The following CLTC variants were observed in gnomAD, a reference collection of about 807,000 sequenced individuals.
CLTC encodes the protein clathrin heavy chain.
Under a neutral mutation model 195.8 loss-of-function variants are expected in CLTC, and 16 were observed. The observed-to-expected ratio is 0.08, with a 90% CI of 0.06 to 0.12. The LOEUF is 0.12. Among genes scored for constraint, CLTC ranks in the 10% least tolerant of loss-of-function variants. The probability of loss-of-function intolerance (pLI) is 1.00; values close to 1 mark genes in which losing one functional copy is unlikely to be tolerated. For synonymous variants in CLTC, 667 were observed against 689.4 expected (o/e 0.97, Z 0.51); for missense variants, 796 against 2,027.0 (o/e 0.39, Z 11.66).
chr17:59,674,921 C>T, intron 16 of CLTC, 78 bp downstream of exon 16: 4 of 1,367,330 alleles, frequency 2.9e-6, no homozygotes, highest in Non-Finnish European at 4.1e-6. Context: ...GTCATTTGTT[C>T]CAAAGCTACT....
At chr17:59,662,893 A>G (rs1219134967) in intron 8 of CLTC, among the ~76,000 whole-genome samples, 11 of 152,248 alleles carry the variant, frequency 7.2e-5, no homozygotes, top group Admixed American at 7.2e-4. Context: ...TAGGCAACAC[A>G]GCGAGACCTT....
chr17:59,685,054 A>C lies in CLTC; in HGVS notation c.4435-2A>C. The C allele has an allele frequency of 6.5e-7, 1 of 1,534,354 alleles. No individual in the cohort carries two copies. Among genetic ancestry groups the C allele is most frequent in the South Asian group, 1.2e-5 (1 of 81,458 alleles). On this transcript the variant is annotated splice_acceptor_variant, in intron 28 of 31. Transcript: ENST00000269122. LOFTEE classifies it high-confidence loss of function. The surrounding 1 kb of genome is among the most constrained non-coding windows in gnomAD (Gnocchi z 5.0). The stretch of plus-strand genomic sequence containing the variant: ...GCATTTGGATGGCTTTTTTTTTTTA[A>C]GGCTCTGCGAACATCAATAGATGCT...
At chr17:59,643,139 G>GTA (rs2032089568) in intron 1 of CLTC, among the ~76,000 whole-genome samples, 32 of 149,876 alleles carry the variant, frequency 2.1e-4, no homozygotes, top group Admixed American at 1.8e-3. Context: ...TGGGGTGTGT[G>GTA]TGTGTGTGTG....
chr17:59,659,004 C>T lies in CLTC; in HGVS notation c.970-1387C>T, dbSNP rs545250282. The stretch of plus-strand genomic sequence containing the variant: ...GTTACCTATCTATCTATTTGGTTCA[C>T]TGAGTTCTCAAGTATTTTTCAATTC... On this transcript the variant is annotated intron_variant, in intron 6 of 31. Coordinates refer to ENST00000269122, the MANE Select transcript of CLTC (RefSeq NM_004859.4). Among the ~76,000 whole-genome samples the T allele has an allele frequency of 9.2e-5, 14 of 152,310 alleles. No individual in the cohort carries two copies. In the South Asian group the frequency reaches 2.9e-3, roughly 32 times the overall value.
At chr17:59,634,219 A>G (rs113963707) in intron 1 of CLTC, among the ~76,000 whole-genome samples, 39 of 152,200 alleles carry the variant, frequency 2.6e-4, no homozygotes, top group African/African-American at 9.4e-4. Flanking sequence ...TTGAACCCTC[A>G]AAGTAAGCCC....
At chr17:59,691,128 TAG>T (rs1193733279) in intron 31 of CLTC, among the ~76,000 whole-genome samples, 2 of 152,160 alleles carry the variant, frequency 1.3e-5, no homozygotes, top group African/African-American at 2.4e-5. Context: ...GAGAACTGGG[TAG>T]AGTTTCCATT....
In CLTC at chr17:59,666,780, T is replaced by C. The variant is rs766888597; in HGVS notation, c.1948-17T>C. ...ATTATTTCATTTATTCATTCATTCA[T>C]TTATTTTGTCTTGTAGTGGTTAGTC... On this transcript the variant is annotated splice_polypyrimidine_tract_variant and intron_variant, in intron 12 of 31. Coordinates refer to ENST00000269122, the MANE Select transcript of CLTC (RefSeq NM_004859.4). The surrounding 1 kb of genome is among the most constrained non-coding windows in gnomAD (Gnocchi z 4.9). 2 of 1,591,222 alleles carry C rather than the reference T, an allele frequency of 1.3e-6. No individual in the cohort carries two copies. The highest frequency in any genetic ancestry group is 2.7e-5 in the African/African-American group (2 of 73,968).
chr17:59,620,625 G>C (rs536089364), intron 1 of CLTC, among the ~76,000 whole-genome samples: 1 of 151,510 alleles, frequency 6.6e-6, no homozygotes, highest in Admixed American at 6.6e-5. Context: ...GGAGTTGTGG[G>C]GCGGGTGGGT....
chr17:59,667,419 A>G (rs1176722244), intron 13 of CLTC, among the ~76,000 whole-genome samples: 1 of 152,174 alleles, frequency 6.6e-6, no homozygotes, highest in African/African-American at 2.4e-5. Flanking sequence ...GAATATTCCA[A>G]AGTTCAAAAT....
intron 8 of CLTC, among the ~76,000 whole-genome samples, chr17:59,663,240 G>A (rs549053107): frequency 6.6e-6 from 1 of 152,134 alleles, no homozygotes; most frequent in Non-Finnish European, 1.5e-5. Context: ...AATGAGTAAG[G>A]CAGACTGAAT....
chr17:59,693,141 C>T (rs1356343388), intron 31 of CLTC, among the ~76,000 whole-genome samples: 1 of 152,102 alleles, frequency 6.6e-6, no homozygotes, highest in Admixed American at 6.6e-5. Flanking sequence ...GCAAGATGGG[C>T]TGATCACTTG....
At position 59,685,113 on chromosome 17, in the gene CLTC, C is replaced by A. The variant is rs749736750; in HGVS notation, c.4492C>A (p.Arg1498Ser). 1.2e-6 allele frequency: 2 copies of A among 1,608,630 alleles called. No homozygotes were observed. Among genetic ancestry groups the A allele is most frequent in the Non-Finnish European group, 8.5e-7 (1 of 1,176,420 alleles). The change falls in exon 29 of 32, where the codon CGT (arginine) becomes AGT (serine). Residue 1498 changes from arginine to serine, a missense_variant. By Grantham distance (110) the Arg-to-Ser change is moderately radical. Coordinates refer to ENST00000269122, the MANE Select transcript of CLTC (RefSeq NM_004859.4). The surrounding 1 kb of genome is among the most constrained non-coding windows in gnomAD (Gnocchi z 5.0). ...CTTTGACAATATCTCGCTTGCTCAG[C>A]GTTTGGAAAAACATGAACTCATTGA... ...DNFDNISLAQ[R>S]LEKHELIEFR...
Position 59,649,392 on chromosome 17 carries a change from C to CTAAAAGTAT in CLTC, c.681+993_681+994insAAAGTATTA, listed in dbSNP as rs1302804193. Among the ~76,000 whole-genome samples the CTAAAAGTAT allele has an allele frequency of 2.6e-5, 4 of 152,286 alleles. No homozygotes were observed. The South Asian group carries it at 8.3e-4, about 32-fold the overall frequency. On this transcript the variant is annotated intron_variant, in intron 4 of 31. Coordinates refer to ENST00000269122, the MANE Select transcript of CLTC (RefSeq NM_004859.4). ...CTGAAATCCTAATACTTTTGTGTTC[C>CTAAAAGTAT]TAGCTCCCTGTTCAAAGTCTAGTTT... is the stretch of plus-strand genomic sequence containing the variant.
At chr17:59,662,189 TGTTA>T (rs1220969190) in intron 8 of CLTC, among the ~76,000 whole-genome samples, 1 of 152,132 alleles carries the variant, frequency 6.6e-6, no homozygotes, top group African/African-American at 2.4e-5. Context: ...TTTCACAGAA[TGTTA>T]GTTGGTGTTA....
intron 1 of CLTC, among the ~76,000 whole-genome samples, chr17:59,628,576 C>T (rs2031618601): frequency 6.6e-6 from 1 of 152,198 alleles, no homozygotes; most frequent in Admixed American, 6.5e-5. Flanking sequence ...CCGTCGATTT[C>T]TGGAGTTCCT....
intron 1 of CLTC, among the ~76,000 whole-genome samples, chr17:59,627,876 GCTTT>G (rs2031599541): frequency 6.6e-6 from 1 of 152,166 alleles, no homozygotes; most frequent in South Asian, 2.1e-4. Context: ...GGAAACTTCT[GCTTT>G]CTATTTTACT....
At chr17:59,632,130 AGGGT>A (rs2143458763) in intron 1 of CLTC, among the ~76,000 whole-genome samples, 1 of 152,244 alleles carries the variant, frequency 6.6e-6, no homozygotes, top group African/African-American at 2.4e-5. Context: ...GCACTTTGGG[AGGGT>A]GAGGCGGGCG....
rs1567979188 is a variant in CLTC at position 59,693,890 on chromosome 17, TGAA to T, written c.*39_*41del. ...ATCCTGTAGTCACCTATTTTCGTAC[TGAA>T]ACATCGTCTTTACCCACTTCTCAGT... is the stretch of plus-strand genomic sequence containing the variant. On this transcript the variant is annotated 3_prime_UTR_variant, in exon 32 of 32. Coordinates refer to ENST00000269122, the MANE Select transcript of CLTC (RefSeq NM_004859.4). The T allele has an allele frequency of 1.9e-6, 3 of 1,565,314 alleles. No homozygotes were observed. The Admixed American group carries it at 5.6e-5, about 29-fold the overall frequency.
intron 1 of CLTC, among the ~76,000 whole-genome samples, chr17:59,631,142 G>A (rs1306008131): frequency 1.3e-5 from 2 of 152,154 alleles, no homozygotes; most frequent in Non-Finnish European, 2.9e-5. Flanking sequence ...TTAATTCTGT[G>A]TGTCTGCTCC....
Sources: gnomAD v4.1 joint callset for allele counts (sites outside exome capture counted in the v4.1 genomes callset) on GRCh38, gnomAD v4.1.1 for gene constraint, Gnocchi (gnomAD v3.1) non-coding constraint, MANE v1.5 for transcripts, NCBI Gene and HGNC (gene_info 2026-07-23, HGNC 2026-07-21) for gene names.